Variants in CACNA1A observed in about 807,000 individuals in gnomAD.
CACNA1A encodes voltage-dependent P/Q-type calcium channel subunit alpha-1A.
CACNA1A carries 57 observed loss-of-function variants against 262.4 expected under a neutral mutation model. The ratio of observed to expected loss-of-function variants is 0.22; its 90% CI spans 0.18 to 0.27. CACNA1A has a LOEUF of 0.27. Among genes scored for constraint, CACNA1A ranks in the 10% least tolerant of loss-of-function variants. CACNA1A has a pLI of 1.00. For missense variants in CACNA1A, 2,526 were observed against 3,562.8 expected, an observed-to-expected ratio of 0.71 and a Z score of 7.41; for synonymous variants, 1,431 against 1,419.3, an observed-to-expected ratio of 1.01 and a Z score of -0.18.
chr19:13,316,032 A>G (rs932876690), intron 11 of CACNA1A: 18 of 152,164 alleles, frequency 1.2e-4, no homozygotes, highest in Non-Finnish European at 2.4e-4. Flanking sequence ...ATCTTGGCTC[A>G]CTGCAACCTC....
intron 3 of CACNA1A, among the ~76,000 whole-genome samples, chr19:13,405,980 T>C (rs1038551932): frequency 3.9e-5 from 6 of 152,050 alleles, no homozygotes; most frequent in Admixed American, 3.9e-4. Flanking sequence ...ACTTCGATAT[T>C]GCCTGGATGG....
chr19:13,379,415 G>A (rs894521571), intron 3 of CACNA1A, among the ~76,000 whole-genome samples: 13 of 152,028 alleles, frequency 8.6e-5, no homozygotes, highest in Admixed American at 7.2e-4. Context: ...TGCAATATTC[G>A]CTTTGTTATG....
At chr19:13,352,701 T>C (rs2058934749) in intron 6 of CACNA1A, among the ~76,000 whole-genome samples, 1 of 152,182 alleles carries the variant, frequency 6.6e-6, no homozygotes, top group Admixed American at 6.5e-5. Flanking sequence ...TCTGCCTGGC[T>C]TCCTCCTTCT....
chr19:13,269,818 G>C (rs1041920611), intron 24 of CACNA1A, among the ~76,000 whole-genome samples: 1 of 152,182 alleles, frequency 6.6e-6, no homozygotes, highest in African/African-American at 2.4e-5. Context: ...TGCAGGAGGG[G>C]TGGACATCTT....
In CACNA1A at chr19:13,439,649, G is replaced by A. The variant is rs530918896; in HGVS notation, c.539+13227C>T. Among the ~76,000 whole-genome samples, 7 of 151,834 alleles carry A rather than the reference G, an allele frequency of 4.6e-5. No homozygotes were observed. In the South Asian group the frequency reaches 1.5e-3, roughly 32 times the overall value. ...GATGGTCTCGATCTCCTGATCTCAT[G>A]ATCTGCCCGCCTCGGCCTCCCAAAG... On this transcript the variant is annotated intron_variant, in intron 3 of 46. Coordinates refer to ENST00000360228, the MANE Select transcript of CACNA1A (RefSeq NM_001127222.2).
chr19:13,253,645 C>T (rs1188770534), intron 29 of CACNA1A, among the ~76,000 whole-genome samples: 1 of 151,908 alleles, frequency 6.6e-6, no homozygotes. Flanking sequence ...CAGCGTTTCA[C>T]CGTGTTAGCC....
chr19:13,207,679 G>T lies in CACNA1A; in HGVS notation c.7155C>A (p.His2385Gln). 2 of 1,426,470 alleles carry T rather than the reference G, an allele frequency of 1.4e-6. No individual in the cohort carries two copies. The highest frequency in any genetic ancestry group is 1.8e-6 in the Non-Finnish European group (2 of 1,089,452). 88.4% of individuals were successfully genotyped at this position (1,426,470 alleles called of 1,614,324 possible). The change falls in exon 47 of 47, where the codon CAC becomes CAA. Residue 2385 changes from histidine to glutamine, a missense_variant. Around this residue, in one of 17 missense-constraint regions of CACNA1A, gnomAD observed 929 missense variants for 868.1 expected, o/e 1.07. Transcript: ENST00000360228. The surrounding 1 kb of genome is among the most constrained non-coding windows in gnomAD (Gnocchi z 5.7). ...CAGATGCCGGCCACCGGGCCCCGCC[G>T]TGTCGACAGGCCCTGGGGGACTCGC... ...ARSESPRACRHGGARWPASGP... is the reference protein window; with the variant it reads ...ARSESPRACRQGGARWPASGP...
At position 13,335,929 on chromosome 19, in the gene CACNA1A, A is replaced by T; in HGVS notation, c.979-20T>A. 1 of 1,479,556 alleles carries T rather than the reference A, an allele frequency of 6.8e-7. No individual in the cohort carries two copies. Among genetic ancestry groups the T allele is most frequent in the Non-Finnish European group, 9.3e-7 (1 of 1,070,906 alleles). The allele number at this position is 1,479,556 out of a possible 1,614,324, so 91.7% of individuals were successfully genotyped here. A position where few individuals can be genotyped will look rare whatever the true frequency, so the allele number is the denominator to read the frequency against. On this transcript the variant is annotated intron_variant, in intron 6 of 46. Coordinates refer to ENST00000360228, the MANE Select transcript of CACNA1A (RefSeq NM_001127222.2). ...GTTGCTCTGTAGGGTGTGAGGAGGG[A>T]AAGCAGGTGAGAGTTGACTGGGACT...
intron 15 of CACNA1A, 128 bp from the exon 16 acceptor site, chr19:13,304,012 G>T: frequency 1.5e-6 from 1 of 665,998 alleles, no homozygotes; most frequent in South Asian, 1.9e-5. Context: ...AATCCTGCCC[G>T]GTTTGCAGAG....
At chr19:13,461,166 C>A (rs1397578532) in intron 1 of CACNA1A, among the ~76,000 whole-genome samples, 5 of 151,960 alleles carry the variant, frequency 3.3e-5, no homozygotes, top group Admixed American at 2.0e-4. Context: ...ATGGTGAAAC[C>A]CCGTCTCTAC....
chr19:13,294,486 G>T (rs2057618039), intron 19 of CACNA1A, among the ~76,000 whole-genome samples: 1 of 87,248 alleles, frequency 1.1e-5, no homozygotes, highest in African/African-American at 5.0e-5. Context: ...ACTGTACCTG[G>T]CTTTTTTTTT....
intron 17 of CACNA1A, among the ~76,000 whole-genome samples, chr19:13,302,562 T>C (rs1488273974): frequency 6.6e-6 from 1 of 152,212 alleles, no homozygotes; most frequent in Non-Finnish European, 1.5e-5. Context: ...AGAATGTGGA[T>C]CTGGAGAGGA....
At chr19:13,402,831 TATAC>T (rs1224432552) in intron 3 of CACNA1A, among the ~76,000 whole-genome samples, 1 of 135,876 alleles carries the variant, frequency 7.4e-6, no homozygotes, top group Non-Finnish European at 1.5e-5. Flanking sequence ...CACACATATA[TATAC>T]ATATATATAC....
chr19:13,217,326 A>C (rs1027372881), intron 38 of CACNA1A, among the ~76,000 whole-genome samples: 3 of 152,120 alleles, frequency 2.0e-5, no homozygotes, highest in Admixed American at 2.0e-4. Flanking sequence ...CATTTTTGAG[A>C]ATCTGAAGAA....
intron 38 of CACNA1A, among the ~76,000 whole-genome samples, chr19:13,215,773 T>C (rs983010162): frequency 2.0e-5 from 3 of 152,046 alleles, no homozygotes; most frequent in Non-Finnish European, 4.4e-5. Context: ...CGCACCACCA[T>C]GCCTGGCTAT....
intron 1 of CACNA1A, among the ~76,000 whole-genome samples, chr19:13,484,931 A>G (rs1979795356): frequency 6.6e-6 from 1 of 152,234 alleles, no homozygotes; most frequent in Non-Finnish European, 1.5e-5. Context: ...TTAAATTATA[A>G]GTAGTAATAA....
At chr19:13,382,136 G>A (rs868647525) in intron 3 of CACNA1A, among the ~76,000 whole-genome samples, 1 of 152,118 alleles carries the variant, frequency 6.6e-6, no homozygotes, top group Admixed American at 6.6e-5. Flanking sequence ...ACACCAATGA[G>A]TGAGTGAGAG....
At chr19:13,471,455 C>A (rs184494842) in intron 1 of CACNA1A, among the ~76,000 whole-genome samples, 1 of 152,172 alleles carries the variant, frequency 6.6e-6, no homozygotes, top group African/African-American at 2.4e-5. Flanking sequence ...TCTTCCTCCC[C>A]CTACAGCTGA....
At chr19:13,426,270 C>T (rs978201735) in intron 3 of CACNA1A, among the ~76,000 whole-genome samples, 2 of 152,116 alleles carry the variant, frequency 1.3e-5, no homozygotes, top group African/African-American at 4.8e-5. Context: ...TAGATTTAGC[C>T]TTTTCTTTTG....
Sources: gnomAD v4.1 joint callset for allele counts (sites outside exome capture counted in the v4.1 genomes callset) on GRCh38, gnomAD v4.1.1 for gene constraint, gnomAD v4.1.1 regional missense constraint, Gnocchi (gnomAD v3.1) non-coding constraint, MANE v1.5 for transcripts, NCBI Gene and HGNC (gene_info 2026-07-23, HGNC 2026-07-21) for gene names.